Variants in TENM2 observed in about 807,000 individuals in gnomAD.
The protein encoded by TENM2 is teneurin-2.
A neutral mutation model predicts 245.2 loss-of-function variants in TENM2; 52 were observed. That is an observed-to-expected ratio of 0.21 (90% CI 0.17 to 0.27). The LOEUF is 0.27. Ranked by LOEUF, TENM2 falls within the 10% of genes least tolerant of loss-of-function variation. The probability of loss-of-function intolerance (pLI) is 1.00; values close to 1 mark genes in which losing one functional copy is unlikely to be tolerated. For synonymous variants in TENM2, 1,363 were observed against 1,438.9 expected (o/e 0.95, Z 1.19); for missense variants, 3,046 against 3,666.8 (o/e 0.83, Z 4.37).
At chr5:167,938,270 A>G (rs1222335299) in intron 3 of TENM2, among the ~76,000 whole-genome samples, 2 of 152,210 alleles carry the variant, frequency 1.3e-5, no homozygotes, top group African/African-American at 2.4e-5. Flanking sequence ...TGAGATGTGC[A>G]TATGTGTAGA....
In TENM2 at chr5:168,184,558, A is replaced by G. The variant is rs115348172; in HGVS notation, c.2570-5779A>G. ...CAAAATGCTTCCATTCAAATTCTCT[A>G]TAAGCTGCCCAGAAGATCAAAGAAG... is the stretch of plus-strand genomic sequence containing the variant. On this transcript the variant is annotated intron_variant, in intron 13 of 28. Transcript: ENST00000518659. Among the ~76,000 whole-genome samples the G allele has an allele frequency of 7.1e-3, 1,079 of 152,350 alleles. 13 individuals are homozygous for G. The highest frequency in any genetic ancestry group is 0.024 in the African/African-American group (1,013 of 41,578).
intron 2 of TENM2, among the ~76,000 whole-genome samples, chr5:167,797,364 G>A (rs1418945425): frequency 2.0e-5 from 3 of 152,108 alleles, no homozygotes; most frequent in Non-Finnish European, 2.9e-5. Context: ...CCCCTTTAAT[G>A]AGCGGAAATA....
chr5:167,222,020 G>A, the TENM2 span, among the ~76,000 whole-genome samples: 1 of 152,068 alleles, frequency 6.6e-6, no homozygotes, highest in Non-Finnish European at 1.5e-5. Context: ...ATTCTACGTC[G>A]TTTGAGATTA....
At chr5:167,113,835 G>A in the TENM2 span, among the ~76,000 whole-genome samples, 1 of 152,132 alleles carries the variant, frequency 6.6e-6, no homozygotes, top group East Asian at 1.9e-4. Context: ...TTAACTGTCT[G>A]ATCCTTAGTC....
At chr5:167,646,137 T>C (rs1049081320) in intron 2 of TENM2, among the ~76,000 whole-genome samples, 4 of 130,452 alleles carry the variant, frequency 3.1e-5, no homozygotes, top group African/African-American at 5.4e-5. Flanking sequence ...TATATGTTTT[T>C]ATATATATAT....
At chr5:167,424,715 G>C (rs1050786892) in intron 2 of TENM2, among the ~76,000 whole-genome samples, 1 of 151,806 alleles carries the variant, frequency 6.6e-6, no homozygotes, top group Non-Finnish European at 1.5e-5. Flanking sequence ...GTCATGTTTT[G>C]ATTATATGAA....
intron 2 of TENM2, among the ~76,000 whole-genome samples, chr5:167,672,742 G>A (rs987657954): frequency 2.6e-5 from 4 of 152,002 alleles, no homozygotes; most frequent in Non-Finnish European, 5.9e-5. Context: ...AGGTGTTCAC[G>A]CAGGCACCTA....
the TENM2 span, among the ~76,000 whole-genome samples, chr5:167,001,476 G>A: frequency 1.3e-5 from 2 of 151,502 alleles, no homozygotes; most frequent in Non-Finnish European, 2.9e-5. Flanking sequence ...GATGACATGC[G>A]GGAACATCTG....
chr5:168,046,080 C>CCACA lies in TENM2; in HGVS notation c.1187-1339_1187-1336dup, dbSNP rs1217260667. On this transcript the variant is annotated intron_variant, in intron 5 of 28. Transcript: ENST00000518659. ...GAGTGTAAGTGAAAAGCAGACACAC[C>CCACA]CACACACACACGGACACCTTGCCAC... Among the ~76,000 whole-genome samples the CCACA allele has an allele frequency of 2.6e-5, 4 of 152,110 alleles. No individual in the cohort carries two copies. The South Asian group carries it at 8.3e-4, about 32-fold the overall frequency.
the TENM2 span, among the ~76,000 whole-genome samples, chr5:166,995,809 C>A: frequency 1.3e-5 from 1 of 76,442 alleles, no homozygotes. Flanking sequence ...GGCGAGACTC[C>A]ATCTCAAAAA....
chr5:167,841,061 A>C (rs535574135), intron 2 of TENM2, among the ~76,000 whole-genome samples: 62 of 147,970 alleles, frequency 4.2e-4, no homozygotes, highest in African/African-American at 1.4e-3. Flanking sequence ...TGTCATCCTC[A>C]TTTTTTTTTT....
intron 1 of TENM2, among the ~76,000 whole-genome samples, chr5:167,355,699 G>A (rs548734803): frequency 2.0e-5 from 3 of 152,220 alleles, no homozygotes; most frequent in Admixed American, 2.0e-4. Context: ...GTGCCAGATA[G>A]TGCAAATGTT....
chr5:167,010,444 A>G, the TENM2 span, among the ~76,000 whole-genome samples: 1 of 152,184 alleles, frequency 6.6e-6, no homozygotes, highest in Non-Finnish European at 1.5e-5. Context: ...CTCTGCCCAG[A>G]GATACTGTCC....
At chr5:167,321,252 G>A (rs575835059) in intron 1 of TENM2, among the ~76,000 whole-genome samples, 86 of 151,874 alleles carry the variant, frequency 5.7e-4, no homozygotes, top group Non-Finnish European at 1.1e-3. Context: ...CATTTTTTTG[G>A]CCTGTGTATG....
At chr5:167,722,484 A>AT (rs982476559) in intron 2 of TENM2, among the ~76,000 whole-genome samples, 3 of 152,166 alleles carry the variant, frequency 2.0e-5, no homozygotes, top group African/African-American at 4.8e-5. Flanking sequence ...AGAAATAGAG[A>AT]TTTTTTAATA....
intron 1 of TENM2, among the ~76,000 whole-genome samples, chr5:167,315,656 T>C (rs1052786092): frequency 6.6e-6 from 1 of 151,910 alleles, no homozygotes; most frequent in African/African-American, 2.4e-5. Flanking sequence ...AACTTGAAAA[T>C]TGACCCTTTT....
intron 2 of TENM2, among the ~76,000 whole-genome samples, chr5:167,462,719 G>A (rs958981776): frequency 2.6e-5 from 4 of 151,576 alleles, no homozygotes; most frequent in African/African-American, 4.9e-5. Flanking sequence ...CTGCTCTTCC[G>A]TTCATCTGCT....
chr5:167,421,594 G>A (rs531517430), intron 2 of TENM2, among the ~76,000 whole-genome samples: 1 of 152,216 alleles, frequency 6.6e-6, no homozygotes, highest in Non-Finnish European at 1.5e-5. Context: ...GTGGACGTTG[G>A]CGACTAATAA....
intron 12 of TENM2, among the ~76,000 whole-genome samples, chr5:168,154,384 T>G (rs1177220908): frequency 2.0e-5 from 3 of 152,014 alleles, no homozygotes; most frequent in Non-Finnish European, 2.9e-5. Flanking sequence ...GCTCTGCTAC[T>G]TTTTGTATAT....
Sources: gnomAD v4.1 joint callset for allele counts (sites outside exome capture counted in the v4.1 genomes callset) on GRCh38, gnomAD v4.1.1 for gene constraint, MANE v1.5 for transcripts, NCBI Gene and HGNC (gene_info 2026-07-23, HGNC 2026-07-21) for gene names.